NSRP1: variants seen among roughly 807,000 people sequenced by gnomAD.
The protein encoded by NSRP1 is nuclear speckle splicing regulatory protein 1, also known as coiled-coil domain containing 55.
NSRP1 carries 24 observed loss-of-function variants against 54.7 expected under a neutral mutation model. The ratio of observed to expected loss-of-function variants is 0.44; its 90% confidence interval spans 0.32 to 0.62. NSRP1 has a LOEUF of 0.62. NSRP1 is among the 20% of genes least tolerant of loss of function. The pLI is 0.06. For missense variants in NSRP1, 596 were observed against 651.2 expected (o/e 0.92, Z 0.92); for synonymous variants, 210 against 213.8 (o/e 0.98, Z 0.15).
At chr17:30,147,936 C>T (rs926508532) in intron 2 of NSRP1, among the ~76,000 whole-genome samples, 2 of 151,918 alleles carry the variant, frequency 1.3e-5, no homozygotes, top group African/African-American at 4.8e-5. Context: ...CCCAGCCTCC[C>T]GAGTAGCTGG....
At chr17:30,151,386 G>T (rs1264438887) in intron 2 of NSRP1, among the ~76,000 whole-genome samples, 3 of 152,100 alleles carry the variant, frequency 2.0e-5, no homozygotes, top group Non-Finnish European at 2.9e-5. Context: ...TTGACCAGAA[G>T]CCTCGTTGAT....
rs903949965 is a variant in NSRP1, at chr17:30,135,005, T to C, written c.114+16832T>C. On this transcript the variant is annotated intron_variant, in intron 2 of 6. Transcript: ENST00000247026. ...TGACATCCCATTGTCCGGATATATA[T>C]ATATATTTTTTGAACAGTCTATCCC... Among the ~76,000 whole-genome samples the C allele has an allele frequency of 2.6e-5, 4 of 152,192 alleles. No homozygotes were observed. The South Asian group carries it at 8.3e-4, about 31-fold the overall frequency.
intron 4 of NSRP1, 121 bp downstream of exon 4, chr17:30,178,320 C>G: frequency 1.0e-6 from 1 of 997,108 alleles, no homozygotes; most frequent in South Asian, 2.0e-5. Context: ...TGAAGAGTCC[C>G]TAATTCCAGA....
chr17:30,158,063 A>G (rs1904373055), intron 2 of NSRP1, among the ~76,000 whole-genome samples: 1 of 152,142 alleles, frequency 6.6e-6, no homozygotes, highest in African/African-American at 2.4e-5. Context: ...AGAAATCTCC[A>G]TACTGGTTTA....
intron 2 of NSRP1, among the ~76,000 whole-genome samples, chr17:30,152,756 CTTCTTGATCTG>C (rs2071924118): frequency 6.6e-6 from 1 of 151,864 alleles, no homozygotes; most frequent in African/African-American, 2.4e-5. Flanking sequence ...ATTGCTATTT[CTTCTTGATCTG>C]TTCCTCAGTA....
intron 2 of NSRP1, among the ~76,000 whole-genome samples, chr17:30,167,916 T>C (rs981396828): frequency 5.3e-5 from 8 of 152,346 alleles, no homozygotes; most frequent in South Asian, 2.1e-4. Context: ...ATAATACTTA[T>C]GTTACTCTAG....
chr17:30,178,200 G>C lies in NSRP1; in HGVS notation c.300+1G>C, dbSNP rs752699405. 6.3e-7 allele frequency: 1 copy of C among 1,589,626 alleles called. No homozygotes were observed. Among genetic ancestry groups the C allele is most frequent in the Non-Finnish European group, 8.5e-7 (1 of 1,174,218 alleles). ...ATTGCTTTTGGGGAAAGACAGAAAG[G>C]TTTGTAAGCTGAAATAACAAACTTT... On this transcript the variant is annotated splice_donor_variant, in intron 4 of 6. Transcript: ENST00000247026. LOFTEE classifies it high-confidence loss of function.
chr17:30,160,673 CT>C (rs1567800933), intron 2 of NSRP1, among the ~76,000 whole-genome samples: 1 of 151,866 alleles, frequency 6.6e-6, no homozygotes, highest in African/African-American at 2.4e-5. Flanking sequence ...TGTTTGAGTT[CT>C]TGGTTGGTCT....
intron 2 of NSRP1, among the ~76,000 whole-genome samples, chr17:30,126,575 G>T (rs899170024): frequency 1.3e-5 from 2 of 152,074 alleles, no homozygotes; most frequent in African/African-American, 4.8e-5. Context: ...GTTAGGATCT[G>T]GCCATCTAGC....
At chr17:30,182,066 T>C (rs1224485704) in intron 6 of NSRP1, among the ~76,000 whole-genome samples, 1 of 150,830 alleles carries the variant, frequency 6.6e-6, no homozygotes, top group African/African-American at 2.4e-5. Context: ...TTTTTTTTTT[T>C]TTTTTTAAAT....
At chr17:30,173,070 TCTC>T (rs1228604810) in intron 3 of NSRP1, among the ~76,000 whole-genome samples, 5 of 152,096 alleles carry the variant, frequency 3.3e-5, no homozygotes, top group South Asian at 2.1e-4. Context: ...TTCAGGCAAT[TCTC>T]CTGCTTCAGC....
chr17:30,165,243 A>G (rs980141135), intron 2 of NSRP1, among the ~76,000 whole-genome samples: 2 of 152,220 alleles, frequency 1.3e-5, no homozygotes, highest in African/African-American at 4.8e-5. Context: ...ACAATTAAGT[A>G]TCTTGATTAC....
chr17:30,140,520 CTTTTTTTTTTTTTTTT>C (rs10608409), intron 2 of NSRP1, among the ~76,000 whole-genome samples: 1 of 50,310 alleles, frequency 2.0e-5, no homozygotes, highest in African/African-American at 7.8e-5. Context: ...TCAGATTTTA[CTTTTTTTTTTTTTTTT>C]TTTTTTTTTT....
At chr17:30,149,083 C>T (rs978556372) in intron 2 of NSRP1, among the ~76,000 whole-genome samples, 2 of 152,158 alleles carry the variant, frequency 1.3e-5, no homozygotes, top group Non-Finnish European at 2.9e-5. Flanking sequence ...CAGTGTTATA[C>T]ATTTATAAAT....
At chr17:30,121,979 A>C (rs2071601914) in intron 2 of NSRP1, among the ~76,000 whole-genome samples, 2 of 152,124 alleles carry the variant, frequency 1.3e-5, no homozygotes, top group South Asian at 4.1e-4. Context: ...CCCCACCCCT[A>C]AACCCTGGCA....
At chr17:30,178,307 G>T in intron 4 of NSRP1, 108 bp downstream of exon 4, 1 of 1,168,010 alleles carries the variant, frequency 8.6e-7, no homozygotes, top group Non-Finnish European at 1.2e-6. Flanking sequence ...GGTATGTGAG[G>T]TGTGAAGAGT....
chr17:30,144,280 A>C (rs892861946), intron 2 of NSRP1: 1 of 143,210 alleles, frequency 7.0e-6, no homozygotes, highest in African/African-American at 2.6e-5. Context: ...TTTTTTTTTG[A>C]AGCAGAGTCT....
chr17:30,155,348 T>C (rs62070347), intron 2 of NSRP1, among the ~76,000 whole-genome samples: 12,624 of 152,220 alleles, frequency 0.083, 719 homozygotes, highest in Non-Finnish European at 0.13. Context: ...ATGTATCTAG[T>C]TGTTGTATAT....
chr17:30,183,989 G>A (rs1377437536), intron 6 of NSRP1, among the ~76,000 whole-genome samples: 1 of 152,166 alleles, frequency 6.6e-6, no homozygotes, highest in African/African-American at 2.4e-5. Context: ...ATCACCTGAG[G>A]TCAAGAGTTT....
Sources: allele counts gnomAD v4.1 joint callset (sites outside exome capture counted in the v4.1 genomes callset), GRCh38; gene constraint gnomAD v4.1.1; transcripts MANE v1.5; gene names NCBI Gene and HGNC (gene_info 2026-07-23, HGNC 2026-07-21).